FBN1: variants seen among roughly 807,000 people sequenced by gnomAD.
The protein encoded by FBN1 is fibrillin 1.
Under a neutral mutation model 365.1 loss-of-function variants are expected in FBN1, and 29 were observed. The ratio of observed to expected loss-of-function variants is 0.08; its 90% CI spans 0.06 to 0.11. The LOEUF is 0.11. FBN1 is among the 10% of genes least tolerant of loss of function. The pLI, the probability that FBN1 is intolerant of heterozygous loss-of-function variation, is 1.00. For synonymous variants in FBN1, 1,210 were observed against 1,270.5 expected (o/e 0.95, Z 1.01); for missense variants, 2,476 against 3,703.2 (o/e 0.67, Z 8.60).
intron 6 of FBN1, among the ~76,000 whole-genome samples, chr15:48,540,392 AT>A (rs1383666431): frequency 6.6e-6 from 1 of 152,188 alleles, no homozygotes; most frequent in Non-Finnish European, 1.5e-5. Context: ...TATACTAAAA[AT>A]ATACTTTTGA....
At chr15:48,425,571 A>G in intron 59 of FBN1, 80 bp from the exon 60 acceptor site, 2 of 1,598,788 alleles carry the variant, frequency 1.3e-6, no homozygotes, top group East Asian at 4.5e-5. Flanking sequence ...TCTAACGAAG[A>G]ATTTTAGTTT....
chr15:48,537,185 A>G (rs184615390), intron 7 of FBN1, among the ~76,000 whole-genome samples: 11 of 152,352 alleles, frequency 7.2e-5, no homozygotes, highest in Admixed American at 5.9e-4. Flanking sequence ...GTCGAGAGAA[A>G]CAATTTTCTT....
In FBN1 at chr15:48,533,040, T is replaced by C. The variant is rs1212486481; in HGVS notation, c.862+1040A>G. On this transcript the variant is annotated intron_variant, in intron 8 of 65. Coordinates refer to ENST00000316623, the MANE Select transcript of FBN1 (RefSeq NM_000138.5). ...AGATATTAAATGTCTTACATGTAACTTATGAATTGCACCTTAAATTTAAAG... is the reference window on the plus strand; with the variant it reads ...AGATATTAAATGTCTTACATGTAACCTATGAATTGCACCTTAAATTTAAAG... Among the ~76,000 whole-genome samples the C allele has an allele frequency of 2.6e-5, 4 of 152,330 alleles. No individual in the cohort carries two copies. The South Asian group carries it at 8.3e-4, about 32-fold the overall frequency.
rs754570125 is a variant in FBN1, at chr15:48,411,069, T to C, written c.8537A>G (p.Glu2846Gly). Residue 2846 changes from glutamate to glycine, a missense_variant, in exon 66 of 66, where the codon GAA becomes GGA. Physicochemically the swap from Glu to Gly is moderately conservative, Grantham distance 98. This residue lies in a region of FBN1 where 177 missense variants were observed against 192.7 expected (regional missense o/e 0.92). Coordinates refer to ENST00000316623, the MANE Select transcript of FBN1 (RefSeq NM_000138.5). ...LYKKKELNQLEDKYDKDYLSG... is the reference protein window; with the variant it reads ...LYKKKELNQLGDKYDKDYLSG... ...GAGGTAGTCTTTGTCATATTTGTCT[T>C]CTAGTTGGTTAAGTTCTTTCTTTTT... is the stretch of plus-strand genomic sequence containing the variant. 2.0e-5 allele frequency: 32 copies of C among 1,613,846 alleles called. No homozygotes were observed. Among genetic ancestry groups the C allele is most frequent in the Non-Finnish European group, 2.5e-5 (30 of 1,179,946 alleles).
At chr15:48,584,047 T>C (rs2044417293) in intron 6 of FBN1, among the ~76,000 whole-genome samples, 1 of 152,186 alleles carries the variant, frequency 6.6e-6, no homozygotes, top group African/African-American at 2.4e-5. Flanking sequence ...CAGGGATATG[T>C]GAACATTTCA....
At chr15:48,645,157 C>G (rs1288623660) in intron 1 of FBN1, among the ~76,000 whole-genome samples, 1 of 152,240 alleles carries the variant, frequency 6.6e-6, no homozygotes, top group East Asian at 1.9e-4. Context: ...CTCGGCCTCC[C>G]GGGCCCCGCC....
intron 2 of FBN1, among the ~76,000 whole-genome samples, chr15:48,630,364 T>C (rs1025160009): frequency 2.6e-5 from 4 of 152,184 alleles, no homozygotes; most frequent in Non-Finnish European, 5.9e-5. Flanking sequence ...CAAAGAATCC[T>C]GGTATGTCTT....
At chr15:48,415,174 G>A (rs1393895477) in intron 64 of FBN1, among the ~76,000 whole-genome samples, 1 of 152,174 alleles carries the variant, frequency 6.6e-6, no homozygotes, top group Non-Finnish European at 1.5e-5. Flanking sequence ...TGCCCCAGGA[G>A]AAGAGTGGAT....
chr15:48,635,764 G>A (rs910712636), intron 2 of FBN1, among the ~76,000 whole-genome samples: 1 of 152,186 alleles, frequency 6.6e-6, no homozygotes, highest in Non-Finnish European at 1.5e-5. Flanking sequence ...AAAACATACT[G>A]CTTCATTAGG....
intron 36 of FBN1, among the ~76,000 whole-genome samples, chr15:48,469,342 CT>C (rs1402768548): frequency 6.6e-6 from 1 of 151,996 alleles, no homozygotes; most frequent in African/African-American, 2.4e-5. Context: ...GCTGCTTCCC[CT>C]GACACACACG....
chr15:48,434,711 T>C lies in FBN1; in HGVS notation c.6499A>G (p.Thr2167Ala). The change falls in exon 54 of 66, where the codon ACT (threonine) becomes GCT (alanine). Residue 2167 changes from threonine (T) to alanine (A), a missense_variant and splice_region_variant. By Grantham distance (58) the Thr-to-Ala change is moderately conservative. Coordinates refer to ENST00000316623, the MANE Select transcript of FBN1 (RefSeq NM_000138.5). ...YILAGNECVD[T>A]DECSVGNPCG... ...GGATTGCCAACAGAACATTCATCAG[T>C]ATCTGCAAGAAACCAGGAATGTGTC... is the stretch of plus-strand genomic sequence containing the variant. 6.2e-7 allele frequency: 1 copy of C among 1,613,612 alleles called. No homozygotes were observed. The highest frequency in any genetic ancestry group is 8.5e-7 in the Non-Finnish European group (1 of 1,179,642).
intron 57 of FBN1, chr15:48,428,060 G>T: frequency 1.5e-6 from 1 of 647,968 alleles, no homozygotes; most frequent in Non-Finnish European, 2.8e-6. Context: ...CAGACAGAGG[G>T]GCAGAGAAAC....
chr15:48,623,188 T>C (rs1376328932), intron 2 of FBN1, among the ~76,000 whole-genome samples: 1 of 152,196 alleles, frequency 6.6e-6, no homozygotes, highest in African/African-American at 2.4e-5. Flanking sequence ...CGAAGTACAA[T>C]TAGCAAAGAT....
At chr15:48,435,776 G>GTGTATATATATGTATATA (rs1566895708) in intron 53 of FBN1, among the ~76,000 whole-genome samples, 1,287 of 28,244 alleles carry the variant, frequency 0.046, 25 homozygotes, top group African/African-American at 0.11. Flanking sequence ...GTGTATATGT[G>GTGTATATATATGTATATA]TGTGTGTGTG....
Position 48,485,508 on chromosome 15 carries a change from G to A in FBN1, c.3590-12C>T, listed in dbSNP as rs748887380. The A allele has an allele frequency of 6.2e-7, 1 of 1,613,954 alleles. No individual in the cohort carries two copies. The highest frequency in any genetic ancestry group is 1.7e-5 in the Admixed American group (1 of 60,018). ...GCATTCATCAATGTCTAAAAGAAAT[G>A]AAAATAATATCACCTTCTGATATGG... On this transcript the variant is annotated splice_polypyrimidine_tract_variant and intron_variant, in intron 29 of 65. Transcript: ENST00000316623.
chr15:48,579,861 C>A (rs1330042309), intron 6 of FBN1, among the ~76,000 whole-genome samples: 1 of 152,042 alleles, frequency 6.6e-6, no homozygotes, highest in Non-Finnish European at 1.5e-5. Context: ...TTTTAGCAAC[C>A]CAATACGACT....
chr15:48,589,925 C>T (rs978319428), intron 6 of FBN1, among the ~76,000 whole-genome samples: 12 of 152,148 alleles, frequency 7.9e-5, no homozygotes, highest in Non-Finnish European at 1.6e-4. Context: ...CACATTGTTA[C>T]TTTCCATTGA....
intron 8 of FBN1, among the ~76,000 whole-genome samples, chr15:48,530,859 A>G (rs1218747019): frequency 1.3e-5 from 2 of 152,194 alleles, no homozygotes; most frequent in Non-Finnish European, 2.9e-5. Context: ...CAGTGCTATT[A>G]TAATTGCTAA....
intron 6 of FBN1, among the ~76,000 whole-genome samples, chr15:48,594,460 A>G (rs897458674): frequency 6.6e-6 from 1 of 152,244 alleles, no homozygotes; most frequent in Non-Finnish European, 1.5e-5. Context: ...ACCTTAGTGC[A>G]GATTTCAGGA....
Sources: allele counts gnomAD v4.1 joint callset (sites outside exome capture counted in the v4.1 genomes callset), GRCh38; gene constraint gnomAD v4.1.1; regional missense constraint gnomAD v4.1.1; transcripts MANE v1.5; gene names NCBI Gene and HGNC (gene_info 2026-07-23, HGNC 2026-07-21).